The following KCNS3 variants were observed in gnomAD, a reference collection of about 807,000 sequenced individuals.
The protein encoded by KCNS3 is potassium voltage-gated channel modifier subfamily S member 3.
In KCNS3, 13 loss-of-function variants were observed where a neutral mutation model predicts 31.0. That is an observed-to-expected ratio of 0.42 (90% CI 0.27 to 0.67). KCNS3 has a LOEUF of 0.67. Among genes scored for constraint, KCNS3 ranks in the 30% least tolerant of loss-of-function variants. KCNS3 has a pLI of 0.25. For missense variants in KCNS3, 545 were observed against 622.4 expected, an observed-to-expected ratio of 0.88 and a Z score of 1.32; for synonymous variants, 238 against 241.5, an observed-to-expected ratio of 0.99 and a Z score of 0.13.
Position 17,931,899 on chromosome 2 carries a change from TTTCCGA to T in KCNS3, c.892_897del (p.Phe298_Arg299del). The T allele has an allele frequency of 6.2e-7, 1 of 1,614,096 alleles. No homozygotes were observed. The highest frequency in any genetic ancestry group is 8.5e-7 in the Non-Finnish European group (1 of 1,179,992). On this transcript the variant is annotated inframe_deletion, in exon 3 of 3. Transcript: ENST00000304101. The surrounding 1 kb of genome is among the most constrained non-coding windows in gnomAD (Gnocchi z 5.4). Reference sequence around the variant, plus strand: ...TCCAGATCCTACGGCTTATGAGGATTTTCCGAATTCTAAAGCTTGCCCGGCACTCGG... The same window carrying T: ...TCCAGATCCTACGGCTTATGAGGATTATTCTAAAGCTTGCCCGGCACTCGG...
chr2:17,931,922 G>A lies in KCNS3; in HGVS notation c.914G>A (p.Arg305Gln), dbSNP rs751674307. The change falls in exon 3 of 3, where the codon CGG becomes CAG. Residue 305 changes from arginine (R) to glutamine (Q), a missense_variant. Transcript: ENST00000304101. This position sits in a 1 kb window ranked among gnomAD's most constrained non-coding sequence, Gnocchi z 5.4. The part of the protein sequence containing the change: ...MRIFRILKLA[R>Q]HSVGLRSLGA... Reference sequence around the variant, plus strand: ...ATTTTCCGAATTCTAAAGCTTGCCCGGCACTCGGTAGGACTTCGGTCTCTA... The same window carrying A: ...ATTTTCCGAATTCTAAAGCTTGCCCAGCACTCGGTAGGACTTCGGTCTCTA... The A allele has an allele frequency of 3.7e-6, 6 of 1,613,936 alleles. No individual in the cohort carries two copies. Among genetic ancestry groups the A allele is most frequent in the Admixed American group, 1.7e-5 (1 of 59,998 alleles).
chr2:17,895,519 A>T (rs771122555), intron 1 of KCNS3, among the ~76,000 whole-genome samples: 2 of 152,182 alleles, frequency 1.3e-5, no homozygotes, highest in South Asian at 2.1e-4. Flanking sequence ...CCTCTCCACA[A>T]CATTTTGAGC....
At chr2:17,888,633 A>ATCTATATC (rs1553341407) in intron 1 of KCNS3, among the ~76,000 whole-genome samples, 848 of 50,436 alleles carry the variant, frequency 0.017, 47 homozygotes, top group Admixed American at 0.082. Flanking sequence ...AAAAATGTAT[A>ATCTATATC]TATATATATA....
chr2:17,884,268 A>AATATATATATAT (rs1227638443), intron 1 of KCNS3, among the ~76,000 whole-genome samples: 30 of 46,632 alleles, frequency 6.4e-4, no homozygotes, highest in South Asian at 9.1e-4. Flanking sequence ...AAAAAAAAAA[A>AATATATATATAT]ATATATATAT....
chr2:17,901,698 T>C (rs1353518704), intron 1 of KCNS3, among the ~76,000 whole-genome samples: 1 of 152,058 alleles, frequency 6.6e-6, no homozygotes, highest in East Asian at 1.9e-4. Context: ...GGTGGGGAGA[T>C]GACACAAAGC....
intron 1 of KCNS3, among the ~76,000 whole-genome samples, chr2:17,881,805 G>A (rs1674649937): frequency 6.6e-6 from 1 of 152,220 alleles, no homozygotes; most frequent in African/African-American, 2.4e-5. Flanking sequence ...GGGGCTTACA[G>A]TTACCAAGTG....
chr2:17,899,168 G>A (rs909741573), intron 1 of KCNS3, among the ~76,000 whole-genome samples: 1 of 152,018 alleles, frequency 6.6e-6, no homozygotes, highest in African/African-American at 2.4e-5. Context: ...GGAGGTTTCA[G>A]TGAGCCGAGA....
At chr2:17,879,786 G>T (rs1015749513) in intron 1 of KCNS3, among the ~76,000 whole-genome samples, 2 of 152,184 alleles carry the variant, frequency 1.3e-5, no homozygotes, top group African/African-American at 4.8e-5. Flanking sequence ...AGCTTCACTC[G>T]GGTGGCCCGC....
At chr2:17,920,324 G>A (rs1006070391) in intron 2 of KCNS3, among the ~76,000 whole-genome samples, 34 of 152,194 alleles carry the variant, frequency 2.2e-4, no homozygotes, top group Non-Finnish European at 4.3e-4. Context: ...CAAAGCAGGT[G>A]CATTATCAGA....
At chr2:17,883,868 A>C (rs1253050548) in intron 1 of KCNS3, among the ~76,000 whole-genome samples, 1 of 152,166 alleles carries the variant, frequency 6.6e-6, no homozygotes, top group Non-Finnish European at 1.5e-5. Context: ...AATGTCCAAC[A>C]ATGATAGACT....
intron 2 of KCNS3, among the ~76,000 whole-genome samples, chr2:17,926,408 G>A (rs945856498): frequency 3.9e-5 from 6 of 152,360 alleles, no homozygotes; most frequent in African/African-American, 1.2e-4. Flanking sequence ...GACTCTGCGT[G>A]GGATTCTAAC....
intron 1 of KCNS3, among the ~76,000 whole-genome samples, chr2:17,913,591 G>A (rs1662520972): frequency 6.6e-6 from 1 of 152,354 alleles, no homozygotes; most frequent in Non-Finnish European, 1.5e-5. Flanking sequence ...GTATGACACT[G>A]TAAATGCCAT....
At chr2:17,905,677 T>C (rs1038225599) in intron 1 of KCNS3, among the ~76,000 whole-genome samples, 1 of 152,266 alleles carries the variant, frequency 6.6e-6, no homozygotes, top group Non-Finnish European at 1.5e-5. Context: ...TGAAGGGCTG[T>C]TGAATTTTGT....
At chr2:17,927,141 A>G (rs1662857125) in intron 2 of KCNS3, among the ~76,000 whole-genome samples, 1 of 152,198 alleles carries the variant, frequency 6.6e-6, no homozygotes, top group Non-Finnish European at 1.5e-5. Context: ...CAGCAGGGGG[A>G]AAATGCCACC....
intron 1 of KCNS3, among the ~76,000 whole-genome samples, chr2:17,911,483 C>T (rs1055382690): frequency 1.3e-5 from 2 of 152,050 alleles, no homozygotes; most frequent in African/African-American, 2.4e-5. Flanking sequence ...TTTTATTTTT[C>T]TATGTAGAAA....
chr2:17,879,186 A>G (rs1176527882), intron 1 of KCNS3, among the ~76,000 whole-genome samples: 2 of 152,176 alleles, frequency 1.3e-5, no homozygotes, highest in South Asian at 4.1e-4. Context: ...AGAATCGATG[A>G]GCCGAAGAAA....
At chr2:17,928,098 TG>T (rs1478006621) in intron 2 of KCNS3, among the ~76,000 whole-genome samples, 2 of 152,238 alleles carry the variant, frequency 1.3e-5, no homozygotes, top group Non-Finnish European at 2.9e-5. Context: ...TGACCCTTTT[TG>T]TTGACACTAG....
At chr2:17,877,858 G>A (rs1032616211), upstream of KCNS3, 2 of 152,252 alleles carry the variant, frequency 1.3e-5, no homozygotes, top group African/African-American at 4.8e-5. Flanking sequence ...GTGCAGCGAG[G>A]CCAGCGATGC....
upstream of KCNS3, chr2:17,877,883 G>T (rs4832508): frequency 0.24 from 36,281 of 152,188 alleles, 5,300 homozygotes; most frequent in East Asian, 0.56. Flanking sequence ...TGGACCACAC[G>T]CTGTCCTCGC....
Sources: allele counts gnomAD v4.1 joint callset (sites outside exome capture counted in the v4.1 genomes callset), GRCh38; gene constraint gnomAD v4.1.1; non-coding constraint Gnocchi (gnomAD v3.1); transcripts MANE v1.5; gene names NCBI Gene and HGNC (gene_info 2026-07-23, HGNC 2026-07-21).